Variants in AP3S1 observed in about 807,000 individuals in gnomAD.
The protein encoded by AP3S1 is adaptor related protein complex 3 subunit sigma 1.
In AP3S1, 12 loss-of-function variants were observed where a neutral mutation model predicts 21.3. The ratio of observed to expected loss-of-function variants is 0.56; its 90% CI spans 0.36 to 0.91. AP3S1 has a LOEUF of 0.91. Among genes scored for constraint, AP3S1 ranks in the 40% least tolerant of loss-of-function variants. AP3S1 has a pLI of 0.01. For missense variants in AP3S1, 116 were observed against 225.0 expected, an observed-to-expected ratio of 0.52 and a Z score of 3.10; for synonymous variants, 48 against 78.4, an observed-to-expected ratio of 0.61 and a Z score of 2.05.
At chr5:115,885,018 A>G (rs1348294131) in intron 3 of AP3S1, among the ~76,000 whole-genome samples, 1 of 152,196 alleles carries the variant, frequency 6.6e-6, no homozygotes, top group Non-Finnish European at 1.5e-5. Context: ...AACTATTATT[A>G]CTTCTTTCTA....
intron 3 of AP3S1, among the ~76,000 whole-genome samples, chr5:115,883,430 C>T (rs1749485751): frequency 6.6e-6 from 1 of 152,172 alleles, no homozygotes; most frequent in African/African-American, 2.4e-5. Flanking sequence ...CAGCACAGTC[C>T]CTCACAACTT....
At chr5:115,856,432 C>CTTT (rs11320249) in intron 1 of AP3S1, among the ~76,000 whole-genome samples, 1 of 144,024 alleles carries the variant, frequency 6.9e-6, no homozygotes. Context: ...CATCCAGCAT[C>CTTT]TTTTTTTTTT....
intron 5 of AP3S1, chr5:115,906,764 T>C: frequency 7.5e-7 from 1 of 1,326,762 alleles, no homozygotes; most frequent in Non-Finnish European, 1.0e-6. Context: ...AAGTCAGTCC[T>C]CTTTTTTTTC....
At chr5:115,891,427 C>G (rs989730679) in intron 3 of AP3S1, among the ~76,000 whole-genome samples, 2 of 152,110 alleles carry the variant, frequency 1.3e-5, no homozygotes, top group African/African-American at 4.8e-5. Context: ...ACTTCAGATG[C>G]CAGTTGCAAG....
At position 115,852,944 on chromosome 5, in the gene AP3S1, A is replaced by G. The variant is rs1762543883; in HGVS notation, c.69+10838A>G. On this transcript the variant is annotated intron_variant, in intron 1 of 5. Transcript: ENST00000316788. Reference sequence around the variant, plus strand: ...ATGGTGCTATGAACATTCATGTATGAATTTTTCTGTGACCATATATTCTCA... The same window carrying G: ...ATGGTGCTATGAACATTCATGTATGGATTTTTCTGTGACCATATATTCTCA... 9.7e-5 allele frequency: 43 copies of G among 441,884 alleles called. 1 individual carries two copies. Among genetic ancestry groups the G allele is most frequent in the South Asian group, 7.0e-4 (43 of 61,228 alleles). The allele number at this position is 441,884 out of a possible 1,614,324, so 27.4% of individuals were successfully genotyped here.
intron 1 of AP3S1, chr5:115,852,972 TC>T (rs1158353196): frequency 4.4e-6 from 2 of 452,032 alleles, no homozygotes; most frequent in South Asian, 3.2e-5. Flanking sequence ...TATTCTCATT[TC>T]TCTAGGGTAT....
intron 1 of AP3S1, among the ~76,000 whole-genome samples, chr5:115,844,523 A>G (rs531106901): frequency 1.5e-4 from 23 of 152,308 alleles, no homozygotes; most frequent in African/African-American, 5.1e-4. Flanking sequence ...TCCCGGGTAG[A>G]AGGAGCAGCA....
chr5:115,906,545 A>T (rs1040246081), intron 5 of AP3S1, among the ~76,000 whole-genome samples: 2 of 151,954 alleles, frequency 1.3e-5, no homozygotes, highest in African/African-American at 4.8e-5. Flanking sequence ...TTACTATAAC[A>T]TTGGAATATT....
chr5:115,885,464 G>A (rs1749698072), intron 3 of AP3S1, among the ~76,000 whole-genome samples: 1 of 152,156 alleles, frequency 6.6e-6, no homozygotes, highest in African/African-American at 2.4e-5. Flanking sequence ...GATGTTTCAG[G>A]GCAGGAGGAA....
chr5:115,896,467 G>C (rs1226593807), intron 4 of AP3S1, among the ~76,000 whole-genome samples: 2 of 152,118 alleles, frequency 1.3e-5, no homozygotes, highest in Non-Finnish European at 2.9e-5. Context: ...TTAGTCATTA[G>C]GGTTCACAAT....
intron 5 of AP3S1, chr5:115,911,997 T>C (rs908125603): frequency 6.6e-6 from 1 of 152,018 alleles, no homozygotes; most frequent in Non-Finnish European, 1.5e-5. Context: ...TTATTAATAC[T>C]ATTCTACTAA....
intron 3 of AP3S1, among the ~76,000 whole-genome samples, chr5:115,877,375 C>T (rs1024626236): frequency 3.3e-5 from 5 of 152,056 alleles, no homozygotes; most frequent in South Asian, 2.1e-4. Context: ...TGACAAGTCC[C>T]GGTGTGTGAT....
intron 1 of AP3S1, among the ~76,000 whole-genome samples, chr5:115,859,287 G>A (rs749930657): frequency 2.0e-5 from 3 of 152,186 alleles, no homozygotes; most frequent in Non-Finnish European, 4.4e-5. Flanking sequence ...AAAGCCCAGC[G>A]TTGGTGTTCT....
intron 1 of AP3S1, chr5:115,842,356 C>T: frequency 2.2e-6 from 1 of 462,890 alleles, no homozygotes; most frequent in East Asian, 4.3e-5. Context: ...TGCATGCTTT[C>T]CTGGCTGCGC....
chr5:115,900,196 A>G (rs1289015286), intron 4 of AP3S1, among the ~76,000 whole-genome samples: 1 of 152,216 alleles, frequency 6.6e-6, no homozygotes, highest in African/African-American at 2.4e-5. Context: ...TAAATTCTAG[A>G]GTATTTTTCT....
chr5:115,888,936 A>G (rs894332660), intron 3 of AP3S1, among the ~76,000 whole-genome samples: 3 of 152,168 alleles, frequency 2.0e-5, no homozygotes, highest in Admixed American at 1.3e-4. Context: ...TTTTATCTCT[A>G]TCTTATAGTT....
intron 3 of AP3S1, among the ~76,000 whole-genome samples, chr5:115,889,552 T>C (rs1395890432): frequency 2.6e-5 from 4 of 152,128 alleles, no homozygotes; most frequent in Non-Finnish European, 5.9e-5. Context: ...AACTGAAAAA[T>C]TGGATTTTAT....
At chr5:115,853,061 A>C in intron 1 of AP3S1, 1 of 451,958 alleles carries the variant, frequency 2.2e-6, no homozygotes, top group South Asian at 1.6e-5. Context: ...CTATATTCTA[A>C]AGTGACTGTA....
intron 3 of AP3S1, among the ~76,000 whole-genome samples, chr5:115,871,822 C>T (rs925551010): frequency 1.3e-5 from 2 of 152,196 alleles, no homozygotes; most frequent in Admixed American, 6.5e-5. Context: ...GATGACTACT[C>T]ATACAGTCTC....
Sources: allele counts gnomAD v4.1 joint callset (sites outside exome capture counted in the v4.1 genomes callset), GRCh38; gene constraint gnomAD v4.1.1; transcripts MANE v1.5; gene names NCBI Gene and HGNC (gene_info 2026-07-23, HGNC 2026-07-21).